Variants in SLC39A6 observed in about 807,000 individuals in gnomAD.
The protein encoded by SLC39A6 is zinc transporter ZIP6.
Under a neutral mutation model 63.5 loss-of-function variants are expected in SLC39A6, and 51 were observed. That is an observed-to-expected ratio of 0.80 (90% CI 0.64 to 1.01). SLC39A6 has a LOEUF of 1.01. Ranked by LOEUF, SLC39A6 falls within the 50% of genes least tolerant of loss-of-function variation. The probability of loss-of-function intolerance (pLI) is 0.00; values close to 1 mark genes in which losing one functional copy is unlikely to be tolerated. For missense variants in SLC39A6, 805 were observed against 927.8 expected, an observed-to-expected ratio of 0.87 and a Z score of 1.72; for synonymous variants, 318 against 324.7, an observed-to-expected ratio of 0.98 and a Z score of 0.22.
chr18:36,126,523 T>C lies in SLC39A6; in HGVS notation c.485A>G (p.Gln162Arg), dbSNP rs1395685561. 1 of 1,614,140 alleles carries C rather than the reference T, an allele frequency of 6.2e-7. No homozygotes were observed. Among genetic ancestry groups the C allele is most frequent in the Admixed American group, 1.7e-5 (1 of 60,010 alleles). ...TTCTGGTCGGTGAGCTCCTTTCCCC[T>C]GGCTGTTTCTAGGATCTTTACCTGA... ...DSSGKDPRNS[Q>R]GKGAHRPEHA... is the part of the protein sequence containing the mutation. The change falls in exon 2 of 10, where the codon CAG becomes CGG. Residue 162 changes from glutamine to arginine, a missense_variant. Coordinates refer to ENST00000269187, the MANE Select transcript of SLC39A6 (RefSeq NM_012319.4).
In SLC39A6 at chr18:36,126,701, C is replaced by T. The variant is rs2089442168; in HGVS notation, c.307G>A (p.Glu103Lys). The T allele has an allele frequency of 1.9e-6, 3 of 1,613,484 alleles. No homozygotes were observed. Among genetic ancestry groups the T allele is most frequent in the Admixed American group, 1.7e-5 (1 of 59,900 alleles). Residue 103 changes from glutamate to lysine, a missense_variant, in exon 2 of 10, where the codon GAG becomes AAG. This residue lies in a region of SLC39A6 where 639 missense variants were observed against 644.0 expected (regional missense o/e 0.99). Transcript: ENST00000269187. The part of the protein sequence containing the change: ...HHDHDHHSDH[E>K]HHSDHERHSD... ...TGACGCTCATGGTCTGAGTGATGCT[C>T]GTGGTCTGAGTGATGGTCGTGGTCA...
intron 4 of SLC39A6, among the ~76,000 whole-genome samples, chr18:36,122,615 T>C (rs1030628165): frequency 6.6e-5 from 10 of 152,068 alleles, no homozygotes; most frequent in African/African-American, 2.4e-4. Context: ...GAAAAGCCCA[T>C]ACCAATGTCA....
At chr18:36,123,434 A>G (rs1337746308) in intron 4 of SLC39A6, 61 bp downstream of exon 4, 9 of 1,455,684 alleles carry the variant, frequency 6.2e-6, no homozygotes, top group South Asian at 1.4e-5. Context: ...AGCATAAACC[A>G]AAACATTTTT....
chr18:36,110,367 T>A (rs2089290987), intron 9 of SLC39A6, among the ~76,000 whole-genome samples: 1 of 147,618 alleles, frequency 6.8e-6, no homozygotes, highest in Admixed American at 6.9e-5. Context: ...AAATGATACA[T>A]CAGAAGGATG....
In SLC39A6 at chr18:36,112,496, C is replaced by G. The variant is rs554003697; in HGVS notation, c.1924+5G>C. The G allele has an allele frequency of 6.2e-7, 1 of 1,608,324 alleles. No individual in the cohort carries two copies. The highest frequency in any genetic ancestry group is 2.2e-5 in the East Asian group (1 of 44,784). ...TGGCAAATACAATTTATGTGGTTCT[C>G]TTACCTAATTCATGAGGCAACTCAT... is the stretch of plus-strand genomic sequence containing the variant. On this transcript the variant is annotated splice_donor_5th_base_variant and intron_variant, in intron 8 of 9. Coordinates refer to ENST00000269187, the MANE Select transcript of SLC39A6 (RefSeq NM_012319.4).
intron 5 of SLC39A6, among the ~76,000 whole-genome samples, chr18:36,121,297 C>T (rs917908785): frequency 6.6e-6 from 1 of 152,132 alleles, no homozygotes; most frequent in Non-Finnish European, 1.5e-5. Flanking sequence ...GCTGAGATTA[C>T]AGGCATGCGC....
rs747256624 is a variant in SLC39A6 at position 36,111,479 on chromosome 18, C to CTTT, written c.1925-233_1925-231dup. Among the ~76,000 whole-genome samples, 46 of 110,586 alleles carry CTTT rather than the reference C, an allele frequency of 4.2e-4. 7 individuals are homozygous for CTTT. The highest frequency in any genetic ancestry group is 4.8e-4 in the Non-Finnish European group (24 of 49,618). 72.5% of individuals were successfully genotyped at this position (110,586 alleles called of 152,430 possible). ...TTCATCATTCAACTTGATGTACAAA[C>CTTT]TTTTTTTTTTTTTCTTTTTTTTGAG... On this transcript the variant is annotated intron_variant, in intron 8 of 9. Transcript: ENST00000269187.
intron 3 of SLC39A6, 63 bp downstream of exon 3, chr18:36,124,457 A>T: frequency 9.3e-7 from 1 of 1,076,804 alleles, no homozygotes; most frequent in Non-Finnish European, 1.3e-6. Flanking sequence ...ATGCAAATCT[A>T]AGGAAAAGCA....
intron 9 of SLC39A6, among the ~76,000 whole-genome samples, chr18:36,110,122 T>C (rs2144495719): frequency 6.6e-6 from 1 of 152,298 alleles, no homozygotes; most frequent in South Asian, 2.1e-4. Context: ...AAGATACATA[T>C]TGTCTTTGAT....
intron 5 of SLC39A6, among the ~76,000 whole-genome samples, chr18:36,116,990 GC>G (rs1280429595): frequency 6.6e-6 from 1 of 152,204 alleles, no homozygotes; most frequent in Non-Finnish European, 1.5e-5. Context: ...TGTAATCGCA[GC>G]ACTTTGGGAG....
chr18:36,116,937 T>C (rs1008963793), intron 5 of SLC39A6, among the ~76,000 whole-genome samples, 158 bp from the exon 6 acceptor site: 1 of 152,202 alleles, frequency 6.6e-6, no homozygotes, highest in Admixed American at 6.6e-5. Flanking sequence ...CCTGGGAACT[T>C]GTCAGAAATG....
At chr18:36,114,759 T>C (rs1308922287) in intron 6 of SLC39A6, among the ~76,000 whole-genome samples, 1 of 152,210 alleles carries the variant, frequency 6.6e-6, no homozygotes, top group Non-Finnish European at 1.5e-5. Context: ...CCTACCTTTT[T>C]AAAAATGACT....
rs1480564345 is a variant in SLC39A6, at chr18:36,111,196, A to G, written c.1978T>C (p.Tyr660His). ...GCCAGCATGGCTGACAATGCATTAT[A>G]AAGGACAGCCTGCTTAACGGTCATG... is the stretch of plus-strand genomic sequence containing the variant. ...AGMTVKQAVL[Y>H]NALSAMLAYL... Residue 660 changes from tyrosine to histidine, a missense_variant, in exon 9 of 10, where the codon TAT becomes CAT. Tyr to His is a moderately conservative substitution (Grantham distance 83). Coordinates refer to ENST00000269187, the MANE Select transcript of SLC39A6 (RefSeq NM_012319.4). 1.9e-6 allele frequency: 3 copies of G among 1,614,026 alleles called. No individual in the cohort carries two copies. Among genetic ancestry groups the G allele is most frequent in the Non-Finnish European group, 2.5e-6 (3 of 1,179,954 alleles).
intron 5 of SLC39A6, among the ~76,000 whole-genome samples, chr18:36,120,800 C>G (rs1464877411): frequency 6.6e-6 from 1 of 152,068 alleles, no homozygotes; most frequent in Non-Finnish European, 1.5e-5. Flanking sequence ...GTAGGGGATA[C>G]TTAATTCCGT....
chr18:36,116,625 T>C (rs1358776361), intron 6 of SLC39A6, 49 bp downstream of exon 6: 1 of 1,286,150 alleles, frequency 7.8e-7, no homozygotes, highest in East Asian at 2.3e-5. Flanking sequence ...CTGCAAATCA[T>C]ACAGCAATGA....
intron 5 of SLC39A6, among the ~76,000 whole-genome samples, chr18:36,117,949 T>G (rs1044570856): frequency 6.7e-6 from 1 of 149,464 alleles, no homozygotes; most frequent in Non-Finnish European, 1.5e-5. Context: ...GAGAATGGCG[T>G]GAATCTGGGA....
chr18:36,111,346 G>GGGGGAAA, intron 8 of SLC39A6, 97 bp from the exon 9 acceptor site: 1 of 1,232,586 alleles, frequency 8.1e-7, no homozygotes, highest in Non-Finnish European at 1.1e-6. Flanking sequence ...ATTTTCCAGT[G>GGGGGAAA]TTTTTGAGAG....
At chr18:36,122,338 G>A (rs2089401642) in intron 4 of SLC39A6, 68 bp from the exon 5 acceptor site, 3 of 1,230,282 alleles carry the variant, frequency 2.4e-6, no homozygotes, top group Non-Finnish European at 3.5e-6. Context: ...AAGTTGGCTA[G>A]GTAAGGTCAA....
chr18:36,112,616 A>T, intron 7 of SLC39A6, 35 bp from the exon 8 acceptor site: 2 of 1,531,778 alleles, frequency 1.3e-6, no homozygotes, highest in East Asian at 2.3e-5. Context: ...GTTTGGCTAC[A>T]TTAATTTGTG....
Sources: allele counts gnomAD v4.1 joint callset (sites outside exome capture counted in the v4.1 genomes callset), GRCh38; gene constraint gnomAD v4.1.1; regional missense constraint gnomAD v4.1.1; transcripts MANE v1.5; gene names NCBI Gene and HGNC (gene_info 2026-07-23, HGNC 2026-07-21).